The following VPS41 variants were observed in gnomAD, a reference collection of about 807,000 sequenced individuals.
VPS41 encodes the protein VPS41 subunit of HOPS complex, also known as vacuolar protein sorting-associated protein 41 homolog.
VPS41 carries 85 observed loss-of-function variants against 130.9 expected under a neutral mutation model. The ratio of observed to expected loss-of-function variants is 0.65; its 90% CI spans 0.55 to 0.78. VPS41 has a LOEUF of 0.78. Ranked by LOEUF, VPS41 falls within the 30% of genes least tolerant of loss-of-function variation. The probability of loss-of-function intolerance (pLI) is 0.00; values close to 1 mark genes in which losing one functional copy is unlikely to be tolerated. For synonymous variants in VPS41, 335 were observed against 332.9 expected (o/e 1.01, Z -0.07); for missense variants, 874 against 1,018.7 (o/e 0.86, Z 1.93).
chr7:38,877,309 T>C (rs926822077), intron 2 of VPS41, among the ~76,000 whole-genome samples: 1 of 151,982 alleles, frequency 6.6e-6, no homozygotes, highest in Non-Finnish European at 1.5e-5. Flanking sequence ...CTAAACTATG[T>C]GTTACTTCGC....
rs557218986 is a variant in VPS41 at position 38,892,087 on chromosome 7, T to A, written c.60+6004A>T. Among the ~76,000 whole-genome samples the A allele has an allele frequency of 1.2e-3, 190 of 152,210 alleles. 2 individuals are homozygous for A. Among genetic ancestry groups the A allele is most frequent in the Admixed American group, 2.3e-3 (35 of 15,294 alleles). On this transcript the variant is annotated intron_variant, in intron 2 of 28. Transcript: ENST00000310301. Reference sequence around the variant, plus strand: ...CAATTCTGAAACTGGTATATTTTCCTACAAGTTGAACAAATCGAAATCTGT... The same window carrying A: ...CAATTCTGAAACTGGTATATTTTCCAACAAGTTGAACAAATCGAAATCTGT...
chr7:38,868,111 A>G (rs1786267317), intron 3 of VPS41, among the ~76,000 whole-genome samples: 1 of 152,196 alleles, frequency 6.6e-6, no homozygotes, highest in African/African-American at 2.4e-5. Flanking sequence ...GTGTGGCCTT[A>G]TCAATGGGGA....
intron 4 of VPS41, among the ~76,000 whole-genome samples, chr7:38,862,326 T>C (rs536162653): frequency 1.3e-5 from 2 of 152,264 alleles, no homozygotes; most frequent in Non-Finnish European, 2.9e-5. Flanking sequence ...AGATACCCAG[T>C]CAAAATATAT....
intron 4 of VPS41, among the ~76,000 whole-genome samples, chr7:38,860,134 C>T (rs573730479): frequency 4.6e-5 from 7 of 152,234 alleles, no homozygotes; most frequent in South Asian, 2.1e-4. Flanking sequence ...CTCAGTGTCA[C>T]GATTCATTTA....
At chr7:38,817,678 C>A (rs773744348) in intron 7 of VPS41, 139 bp downstream of exon 7, 4 of 770,354 alleles carry the variant, frequency 5.2e-6, no homozygotes, top group African/African-American at 5.1e-5. Flanking sequence ...AGATGATGAT[C>A]ATCAGATTTC....
intron 25 of VPS41, among the ~76,000 whole-genome samples, chr7:38,735,919 G>A (rs1417996587): frequency 6.6e-6 from 1 of 152,138 alleles, no homozygotes; most frequent in Non-Finnish European, 1.5e-5. Flanking sequence ...GAGGAACAGG[G>A]CAGGGGAGGG....
At chr7:38,739,489 T>A (rs58454657) in intron 25 of VPS41, among the ~76,000 whole-genome samples, 2 of 152,322 alleles carry the variant, frequency 1.3e-5, no homozygotes, top group African/African-American at 4.8e-5. Context: ...TGAACCCTAA[T>A]AGGTTGCCTA....
At chr7:38,834,233 C>T (rs1203727977) in intron 4 of VPS41, among the ~76,000 whole-genome samples, 2 of 152,034 alleles carry the variant, frequency 1.3e-5, no homozygotes, top group Non-Finnish European at 2.9e-5. Context: ...CCTTTGTTAT[C>T]TTTGTAATAT....
chr7:38,902,561 C>T (rs990651335), intron 1 of VPS41, among the ~76,000 whole-genome samples: 2 of 152,148 alleles, frequency 1.3e-5, no homozygotes, highest in African/African-American at 2.4e-5. Flanking sequence ...TGCAGCTGAG[C>T]GGTTACACCC....
intron 1 of VPS41, among the ~76,000 whole-genome samples, chr7:38,900,109 G>A (rs908759308): frequency 1.3e-5 from 2 of 152,118 alleles, no homozygotes; most frequent in Non-Finnish European, 1.5e-5. Context: ...AAATTAGCTA[G>A]GTGTGGTGGC....
At chr7:38,906,327 G>C (rs552252520) in intron 1 of VPS41, among the ~76,000 whole-genome samples, 1 of 139,350 alleles carries the variant, frequency 7.2e-6, no homozygotes, top group African/African-American at 2.4e-5. Flanking sequence ...ACAACAGACT[G>C]CTGGGTTTTT....
At chr7:38,735,939 A>C (rs1051044624) in intron 25 of VPS41, among the ~76,000 whole-genome samples, 1 of 152,186 alleles carries the variant, frequency 6.6e-6, no homozygotes, top group Non-Finnish European at 1.5e-5. Context: ...GAAGGGAGTC[A>C]AGGGATGGAC....
At chr7:38,776,648 A>G in intron 11 of VPS41, 31 bp downstream of exon 11, 2 of 1,285,832 alleles carry the variant, frequency 1.6e-6, no homozygotes, top group South Asian at 2.4e-5. Context: ...GAACCCCCAC[A>G]TGCCTTTGTA....
At chr7:38,786,721 C>A (rs1420341463) in intron 10 of VPS41, among the ~76,000 whole-genome samples, 2 of 151,988 alleles carry the variant, frequency 1.3e-5, no homozygotes, top group Non-Finnish European at 1.5e-5. Flanking sequence ...GAACAGAAAA[C>A]CATACATACC....
Position 38,802,939 on chromosome 7 carries a change from T to C in VPS41, c.451-6075A>G, listed in dbSNP as rs554391540. Among the ~76,000 whole-genome samples, 48 of 152,342 alleles carry C rather than the reference T, an allele frequency of 3.2e-4. No homozygotes were observed. The South Asian group carries it at 6.4e-3, about 20-fold the overall frequency. Reference sequence around the variant, plus strand: ...TTAAGCTCAATGGGAGCTAAGTACATAGAGAGGAAAAGCTGTTTCCAAGAG... The same window carrying C: ...TTAAGCTCAATGGGAGCTAAGTACACAGAGAGGAAAAGCTGTTTCCAAGAG... On this transcript the variant is annotated intron_variant, in intron 7 of 28. Coordinates refer to ENST00000310301, the MANE Select transcript of VPS41 (RefSeq NM_014396.4).
chr7:38,766,974 A>T (rs1005689797), intron 15 of VPS41, among the ~76,000 whole-genome samples: 26 of 152,206 alleles, frequency 1.7e-4, no homozygotes, highest in African/African-American at 6.3e-4. Flanking sequence ...CTTGGTCACT[A>T]GAAAAGATTC....
At chr7:38,779,496 T>C (rs555601073) in intron 10 of VPS41, among the ~76,000 whole-genome samples, 60 of 152,310 alleles carry the variant, frequency 3.9e-4, no homozygotes, top group African/African-American at 1.3e-3. Context: ...TCTCCATTAA[T>C]ACCCACTGGT....
At chr7:38,797,328 CAAT>C (rs1192675915) in intron 7 of VPS41, among the ~76,000 whole-genome samples, 2 of 151,998 alleles carry the variant, frequency 1.3e-5, no homozygotes, top group Admixed American at 6.6e-5. Flanking sequence ...AATAATTGAA[CAAT>C]GACTTTTGAA....
chr7:38,753,764 TA>T (rs1783730291), intron 21 of VPS41, among the ~76,000 whole-genome samples: 1 of 152,158 alleles, frequency 6.6e-6, no homozygotes, highest in Admixed American at 6.5e-5. Context: ...GGGAAGCAGA[TA>T]ATCTTGAGAT....
Sources: gnomAD v4.1 joint callset for allele counts (sites outside exome capture counted in the v4.1 genomes callset) on GRCh38, gnomAD v4.1.1 for gene constraint, MANE v1.5 for transcripts, NCBI Gene and HGNC (gene_info 2026-07-23, HGNC 2026-07-21) for gene names.